The following CLSTN2 variants were observed in gnomAD, a reference collection of about 807,000 sequenced individuals.
CLSTN2 encodes the protein calsyntenin 2.
In CLSTN2, 48 loss-of-function variants were observed where a neutral mutation model predicts 101.2. The observed-to-expected ratio is 0.47, with a 90% CI of 0.38 to 0.60. The LOEUF is 0.60. Ranked by LOEUF, CLSTN2 falls within the 20% of genes least tolerant of loss-of-function variation. The pLI, the probability that CLSTN2 is intolerant of heterozygous loss-of-function variation, is 0.00. For synonymous variants in CLSTN2, 481 were observed against 463.6 expected, an observed-to-expected ratio of 1.04 and a Z score of -0.48; for missense variants, 1,160 against 1,238.2, an observed-to-expected ratio of 0.94 and a Z score of 0.95.
intron 1 of CLSTN2, among the ~76,000 whole-genome samples, chr3:140,115,322 C>T (rs898383360): frequency 6.6e-6 from 1 of 152,160 alleles, no homozygotes; most frequent in South Asian, 2.1e-4. Flanking sequence ...AGATTTTTCT[C>T]TCTGTGTGTG....
intron 2 of CLSTN2, among the ~76,000 whole-genome samples, chr3:140,180,042 G>GT (rs1489481427): frequency 6.6e-6 from 1 of 152,204 alleles, no homozygotes; most frequent in Non-Finnish European, 1.5e-5. Flanking sequence ...TAGCCTTGCT[G>GT]TCATCATCTG....
chr3:140,135,161 T>A (rs181532202), intron 1 of CLSTN2, among the ~76,000 whole-genome samples: 1,880 of 98,426 alleles, frequency 0.019, 45 homozygotes, highest in African/African-American at 0.054. Flanking sequence ...TATATATATA[T>A]AAAATATGCT....
At chr3:140,171,650 C>G (rs537841297) in intron 1 of CLSTN2, among the ~76,000 whole-genome samples, 1 of 38,358 alleles carries the variant, frequency 2.6e-5, no homozygotes, top group African/African-American at 8.1e-5. Context: ...ATATATAATA[C>G]GTATTATATA....
intron 1 of CLSTN2, among the ~76,000 whole-genome samples, chr3:140,128,251 TA>T (rs2009467766): frequency 1.3e-5 from 2 of 152,010 alleles, no homozygotes; most frequent in South Asian, 4.2e-4. Context: ...AAGGAAAAAA[TA>T]AGACCAGCTC....
chr3:140,123,545 C>T (rs777881044), intron 1 of CLSTN2, among the ~76,000 whole-genome samples: 1 of 152,118 alleles, frequency 6.6e-6, no homozygotes, highest in Non-Finnish European at 1.5e-5. Flanking sequence ...ATCAGGGATC[C>T]TTGCCCTTGT....
intron 2 of CLSTN2, among the ~76,000 whole-genome samples, chr3:140,252,445 T>G (rs1357995746): frequency 6.6e-6 from 1 of 152,186 alleles, no homozygotes; most frequent in Non-Finnish European, 1.5e-5. Context: ...CAGCCCTATC[T>G]AAGCCTACTG....
chr3:140,370,485 GAGGGAGAGAAGA>G (rs1468107053), intron 2 of CLSTN2, among the ~76,000 whole-genome samples: 6 of 152,114 alleles, frequency 3.9e-5, no homozygotes, highest in African/African-American at 1.4e-4. Context: ...GAGAGGGAGG[GAGGGAGAGAAGA>G]AGGGAGGGAA....
rs920278727 is a variant in CLSTN2, at chr3:140,556,729, T to C, written c.1823+68T>C. 7.3e-6 allele frequency: 11 copies of C among 1,500,622 alleles called. No individual in the cohort carries two copies. The African/African-American group carries it at 8.3e-5, about 11-fold the overall frequency. 93.0% of individuals were successfully genotyped at this position (1,500,622 alleles called of 1,614,324 possible). Reference sequence around the variant, plus strand: ...TTGGGAAGGTCCCAACTGAGGTCCCTTGGGAATGTTCCCTCACAAAACAGG... The same window carrying C: ...TTGGGAAGGTCCCAACTGAGGTCCCCTGGGAATGTTCCCTCACAAAACAGG... On this transcript the variant is annotated intron_variant, in intron 11 of 16. Coordinates refer to ENST00000458420, the MANE Select transcript of CLSTN2 (RefSeq NM_022131.3).
At chr3:140,336,244 T>C (rs2087438648) in intron 2 of CLSTN2, among the ~76,000 whole-genome samples, 2 of 152,218 alleles carry the variant, frequency 1.3e-5, no homozygotes, top group Non-Finnish European at 2.9e-5. Flanking sequence ...TTTTATTTCA[T>C]GTAATCCTTA....
chr3:140,188,243 C>T (rs1190262803), intron 2 of CLSTN2, among the ~76,000 whole-genome samples: 1 of 152,194 alleles, frequency 6.6e-6, no homozygotes, highest in African/African-American at 2.4e-5. Flanking sequence ...GGCTCAGTCC[C>T]GAATTCGGCA....
chr3:140,382,442 G>C (rs987474571), intron 2 of CLSTN2, among the ~76,000 whole-genome samples: 5 of 152,206 alleles, frequency 3.3e-5, no homozygotes, highest in African/African-American at 1.2e-4. Context: ...AAAATGAAAG[G>C]TTTATAGTCT....
At chr3:140,482,575 AC>A (rs759215525) in intron 8 of CLSTN2, among the ~76,000 whole-genome samples, 3 of 152,072 alleles carry the variant, frequency 2.0e-5, no homozygotes, top group Non-Finnish European at 4.4e-5. Context: ...CTGGTCCTGG[AC>A]TTTTTTTGGT....
At chr3:140,001,518 G>C (rs2006838873) in intron 1 of CLSTN2, among the ~76,000 whole-genome samples, 2 of 151,554 alleles carry the variant, frequency 1.3e-5, no homozygotes, top group Non-Finnish European at 1.5e-5. Flanking sequence ...TGTATTTATG[G>C]GGTTCATGAG....
chr3:140,203,783 G>A (rs2010748558), intron 2 of CLSTN2, among the ~76,000 whole-genome samples: 1 of 152,120 alleles, frequency 6.6e-6, no homozygotes, highest in Admixed American at 6.5e-5. Flanking sequence ...AATGAGCAGT[G>A]GTAGGAACAA....
At chr3:140,101,877 G>A (rs1362644694) in intron 1 of CLSTN2, among the ~76,000 whole-genome samples, 1 of 152,170 alleles carries the variant, frequency 6.6e-6, no homozygotes, top group Non-Finnish European at 1.5e-5. Context: ...TGGTCCGCTG[G>A]CCAGAACTAG....
chr3:140,185,101 C>A (rs1416733091), intron 2 of CLSTN2, among the ~76,000 whole-genome samples: 1 of 152,190 alleles, frequency 6.6e-6, no homozygotes, highest in Non-Finnish European at 1.5e-5. Context: ...TCCCTGTTAA[C>A]TTCTTTCATC....
intron 8 of CLSTN2, among the ~76,000 whole-genome samples, chr3:140,485,006 G>A (rs1012320580): frequency 3.3e-5 from 5 of 152,190 alleles, no homozygotes; most frequent in Admixed American, 6.5e-5. Context: ...CTGGTGAGGA[G>A]CTGTGTTCCT....
chr3:140,381,770 G>A (rs548624525), intron 2 of CLSTN2, among the ~76,000 whole-genome samples: 1 of 152,326 alleles, frequency 6.6e-6, no homozygotes, highest in East Asian at 1.9e-4. Flanking sequence ...CCAGAAACAG[G>A]CTGGTGATAA....
chr3:140,448,584 C>G lies in CLSTN2; in HGVS notation c.853C>G (p.Leu285Val), dbSNP rs746126015. 1.2e-6 allele frequency: 2 copies of G among 1,614,112 alleles called. No individual in the cohort carries two copies. Among genetic ancestry groups the G allele is most frequent in the Non-Finnish European group, 1.7e-6 (2 of 1,179,990 alleles). Reference sequence around the variant, plus strand: ...CATGCCCCTGTTCCCCAGCATCCACCTGGAGACGTGCGATGGAGCCGTGTC... The same window carrying G: ...CATGCCCCTGTTCCCCAGCATCCACGTGGAGACGTGCGATGGAGCCGTGTC... ...GSMPLFPSIH[L>V]ETCDGAVSSL... is the part of the protein sequence containing the mutation. The change falls in exon 6 of 17, where the codon CTG becomes GTG. Residue 285 changes from leucine to valine, a missense_variant. By Grantham distance (32) the Leu-to-Val change is conservative. Transcript: ENST00000458420.
Sources: gnomAD v4.1 joint callset for allele counts (sites outside exome capture counted in the v4.1 genomes callset) on GRCh38, gnomAD v4.1.1 for gene constraint, MANE v1.5 for transcripts, NCBI Gene and HGNC (gene_info 2026-07-23, HGNC 2026-07-21) for gene names.